The following GULP1 variants were observed in gnomAD, a reference collection of about 807,000 sequenced individuals.
GULP1 encodes GULP PTB domain containing engulfment adaptor 1.
Under a neutral mutation model 40.9 loss-of-function variants are expected in GULP1, and 19 were observed. That is an observed-to-expected ratio of 0.46 (90% CI 0.32 to 0.68). The LOEUF (loss-of-function observed/expected upper bound fraction) is 0.68, where lower values mean the gene tolerates loss of function less well. Ranked by LOEUF, GULP1 falls within the 30% of genes least tolerant of loss-of-function variation. GULP1 has a pLI of 0.03. For synonymous variants in GULP1, 119 were observed against 117.6 expected, an observed-to-expected ratio of 1.01 and a Z score of -0.08; for missense variants, 312 against 362.2, an observed-to-expected ratio of 0.86 and a Z score of 1.12.
At chr2:188,401,715 A>C (rs75646835) in intron 2 of GULP1, among the ~76,000 whole-genome samples, 2 of 152,142 alleles carry the variant, frequency 1.3e-5, no homozygotes, top group African/African-American at 4.8e-5. Flanking sequence ...AGAAATCAGG[A>C]TAAAAATGCT....
At chr2:188,514,832 A>G (rs539327402) in intron 4 of GULP1, among the ~76,000 whole-genome samples, 2 of 152,304 alleles carry the variant, frequency 1.3e-5, no homozygotes, top group South Asian at 4.1e-4. Flanking sequence ...TTAGCTTTTA[A>G]TATTTGTCAA....
intron 4 of GULP1, among the ~76,000 whole-genome samples, chr2:188,497,642 AT>A (rs2063030777): frequency 6.6e-6 from 1 of 151,930 alleles, no homozygotes; most frequent in African/African-American, 2.4e-5. Flanking sequence ...ATATTTTACT[AT>A]TTTTCTTCAG....
At chr2:188,556,251 T>A (rs548386599) in intron 7 of GULP1, among the ~76,000 whole-genome samples, 2 of 152,226 alleles carry the variant, frequency 1.3e-5, no homozygotes, top group East Asian at 3.9e-4. Flanking sequence ...ATCTTTATAT[T>A]TGTCCGACTG....
intron 2 of GULP1, among the ~76,000 whole-genome samples, chr2:188,400,637 C>A (rs527309046): frequency 6.6e-6 from 1 of 152,134 alleles, no homozygotes; most frequent in South Asian, 2.1e-4. Context: ...ATATTGGATA[C>A]AATGTGGAGA....
intron 2 of GULP1, among the ~76,000 whole-genome samples, chr2:188,462,254 A>G (rs1206696083): frequency 6.6e-6 from 1 of 151,854 alleles, no homozygotes; most frequent in African/African-American, 2.4e-5. Flanking sequence ...TCTCTTATTG[A>G]TTTCTACTTT....
At chr2:188,341,894 G>T (rs1303142551) in intron 1 of GULP1, among the ~76,000 whole-genome samples, 1 of 152,118 alleles carries the variant, frequency 6.6e-6, no homozygotes, top group Non-Finnish European at 1.5e-5. Context: ...TCTACAACTT[G>T]TGGTTTGTAT....
chr2:188,308,073 A>AATCCAATAACTATGT, intron 1 of GULP1, among the ~76,000 whole-genome samples: 1 of 150,822 alleles, frequency 6.6e-6, no homozygotes, highest in Non-Finnish European at 1.5e-5. Flanking sequence ...TCAGCTCTTG[A>AATCCAATAACTATGT]TCATGATTAC....
At chr2:188,329,841 T>C (rs1302045481) in intron 1 of GULP1, among the ~76,000 whole-genome samples, 4 of 152,098 alleles carry the variant, frequency 2.6e-5, no homozygotes, top group Non-Finnish European at 5.9e-5. Context: ...CTGATGGATA[T>C]AGGATATTAA....
At chr2:188,508,847 T>C (rs1223986474) in intron 4 of GULP1, among the ~76,000 whole-genome samples, 1 of 151,366 alleles carries the variant, frequency 6.6e-6, no homozygotes, top group African/African-American at 2.4e-5. Context: ...AAATATTTAT[T>C]GAGTGCCTGC....
intron 2 of GULP1, among the ~76,000 whole-genome samples, chr2:188,404,384 T>G (rs574520090): frequency 6.6e-6 from 1 of 152,290 alleles, no homozygotes; most frequent in East Asian, 1.9e-4. Context: ...CTCTTTACAT[T>G]ACCCGCATCA....
intron 2 of GULP1, among the ~76,000 whole-genome samples, chr2:188,454,188 A>G (rs1321300285): frequency 1.3e-5 from 2 of 152,136 alleles, no homozygotes; most frequent in African/African-American, 4.8e-5. Flanking sequence ...GACAATTTCA[A>G]CGGTGAGGAT....
At chr2:188,311,927 A>G (rs2038212036) in intron 1 of GULP1, among the ~76,000 whole-genome samples, 1 of 149,060 alleles carries the variant, frequency 6.7e-6, no homozygotes, top group African/African-American at 2.5e-5. Context: ...CTTGAATACA[A>G]TTACTACTAA....
Position 188,595,199 on chromosome 2 carries a change from A to G in GULP1, c.*1188A>G, listed in dbSNP as rs576709234. ...TTTCCTATACCTTTACCCTTTACCTAACAGACTAATTTGTACTCAGTAAAA... is the reference window on the plus strand; with the variant it reads ...TTTCCTATACCTTTACCCTTTACCTGACAGACTAATTTGTACTCAGTAAAA... On this transcript the variant is annotated 3_prime_UTR_variant, in exon 12 of 12. Coordinates refer to ENST00000409830, the MANE Select transcript of GULP1 (RefSeq NM_016315.4). 1 of 151,856 alleles carries G rather than the reference A, an allele frequency of 6.6e-6. No individual in the cohort carries two copies. The highest frequency in any genetic ancestry group is 1.5e-5 in the Non-Finnish European group (1 of 67,700). 9.4% of individuals were successfully genotyped at this position (151,856 alleles called of 1,614,324 possible).
chr2:188,348,631 G>A (rs1403452526), intron 1 of GULP1, among the ~76,000 whole-genome samples: 3 of 152,168 alleles, frequency 2.0e-5, no homozygotes, highest in African/African-American at 7.2e-5. Context: ...ACTGAAAGGT[G>A]AAAATGAAGA....
At chr2:188,360,634 C>T (rs1289699599) in intron 1 of GULP1, among the ~76,000 whole-genome samples, 1 of 151,994 alleles carries the variant, frequency 6.6e-6, no homozygotes, top group Non-Finnish European at 1.5e-5. Context: ...TCATGGTGTG[C>T]ACAATGTCTG....
intron 7 of GULP1, among the ~76,000 whole-genome samples, chr2:188,563,737 T>C (rs1696939481): frequency 6.6e-6 from 1 of 151,770 alleles, no homozygotes; most frequent in Admixed American, 6.6e-5. Flanking sequence ...CATAAACCTT[T>C]TCAGAATTAA....
chr2:188,478,100 T>C (rs1349784266), intron 3 of GULP1, among the ~76,000 whole-genome samples: 1 of 152,150 alleles, frequency 6.6e-6, no homozygotes, highest in African/African-American at 2.4e-5. Context: ...CATAAATTCA[T>C]TCATAATTGT....
chr2:188,525,729 C>T (rs953769665), intron 5 of GULP1, among the ~76,000 whole-genome samples: 11 of 152,106 alleles, frequency 7.2e-5, no homozygotes, highest in African/African-American at 2.4e-4. Flanking sequence ...TAAAGTTACA[C>T]GAAATTACTG....
chr2:188,584,401 T>G lies in GULP1; in HGVS notation c.746T>G (p.Ile249Ser), dbSNP rs762180852. ...CCAGTACCTAGTAGATCTACTGAGA[T>G]TAGTAAGCTTTCTCAACAAATCAAA... ...PPPVPSRSTE[I>S]KRDLFGAEPF... Residue 249 changes from isoleucine to serine, a missense_variant and splice_region_variant, in exon 10 of 12, where the codon ATT becomes AGT. By Grantham distance (142) the Ile-to-Ser change is moderately radical. Transcript: ENST00000409830. 1 of 1,562,766 alleles carries G rather than the reference T, an allele frequency of 6.4e-7. No homozygotes were observed. Among genetic ancestry groups the G allele is most frequent in the East Asian group, 2.3e-5 (1 of 44,278 alleles).
Sources: gnomAD v4.1 joint callset for allele counts (sites outside exome capture counted in the v4.1 genomes callset) on GRCh38, gnomAD v4.1.1 for gene constraint, MANE v1.5 for transcripts, NCBI Gene and HGNC (gene_info 2026-07-23, HGNC 2026-07-21) for gene names.